Variants in AKAP9 observed in about 807,000 individuals in gnomAD.
AKAP9 encodes the protein A-kinase anchoring protein 9, also known as A-kinase anchor protein 9.
A neutral mutation model predicts 488.5 loss-of-function variants in AKAP9; 311 were observed. The ratio of observed to expected loss-of-function variants is 0.64; its 90% CI spans 0.58 to 0.70. The LOEUF is 0.70. Among genes scored for constraint, AKAP9 ranks in the 30% least tolerant of loss-of-function variants. The pLI is 0.00. For synonymous variants in AKAP9, 1,462 were observed against 1,483.5 expected, an observed-to-expected ratio of 0.99 and a Z score of 0.33; for missense variants, 4,215 against 4,374.5, an observed-to-expected ratio of 0.96 and a Z score of 1.03.
intron 3 of AKAP9, among the ~76,000 whole-genome samples, 161 bp downstream of exon 3, chr7:91,980,494 A>ATTTTTT (rs1376590752): frequency 1.1e-3 from 3 of 2,698 alleles, no homozygotes; most frequent in African/African-American, 3.0e-3. Flanking sequence ...TGTATTACTG[A>ATTTTTT]CTTTTTTTTT....
At chr7:92,000,746 T>TA (rs1334345013) in intron 7 of AKAP9, 102 bp from the exon 8 acceptor site, 1 of 662,914 alleles carries the variant, frequency 1.5e-6, no homozygotes, top group Non-Finnish European at 2.4e-6. Flanking sequence ...TAGAATTTTT[T>TA]AAAAGAGAAA....
intron 43 of AKAP9, 104 bp from the exon 44 acceptor site, chr7:92,099,583 C>T: frequency 9.0e-7 from 1 of 1,111,850 alleles, no homozygotes; most frequent in Non-Finnish European, 1.4e-6. Context: ...TCAACTCAAG[C>T]ACCAATTCAT....
chr7:91,948,771 C>G (rs1216345883), intron 1 of AKAP9, among the ~76,000 whole-genome samples: 1 of 151,962 alleles, frequency 6.6e-6, no homozygotes, highest in African/African-American at 2.4e-5. Flanking sequence ...ACCACCATGC[C>G]CGATTAATTT....
At chr7:92,051,445 G>T (rs1315341288) in intron 21 of AKAP9, among the ~76,000 whole-genome samples, 2 of 152,166 alleles carry the variant, frequency 1.3e-5, no homozygotes, top group Non-Finnish European at 2.9e-5. Flanking sequence ...GGAGAATAAG[G>T]ATACAAAGTG....
Position 92,110,143 on chromosome 7 carries a change from C to A in AKAP9, c.11708C>A (p.Ala3903Asp). The A allele has an allele frequency of 6.2e-7, 1 of 1,602,116 alleles. No homozygotes were observed. Among genetic ancestry groups the A allele is most frequent in the Non-Finnish European group, 8.5e-7 (1 of 1,172,106 alleles). ...IQSGSTTQFHAGMRR is the reference protein window; with the variant it reads ...IQSGSTTQFHDGMRR ...ATAGGTTCAACTACTCAATTTCATGCTGGCATGAGAAGATAATCCTTTGAA... is the reference window on the plus strand; with the variant it reads ...ATAGGTTCAACTACTCAATTTCATGATGGCATGAGAAGATAATCCTTTGAA... Residue 3903 changes from alanine (A) to aspartate (D), a missense_variant, in exon 50 of 50, where the codon GCT becomes GAT. By Grantham distance (126) the Ala-to-Asp change is moderately radical. Around this residue, in one of 5 missense-constraint regions of AKAP9, gnomAD observed 253 missense variants for 266.8 expected, o/e 0.95. Transcript: ENST00000356239.
In AKAP9 at chr7:91,980,308, C is replaced by A. The variant is rs1348323735; in HGVS notation, c.326C>A (p.Thr109Asn). Residue 109 changes from threonine to asparagine, a missense_variant, in exon 3 of 50, where the codon ACC (threonine) becomes AAC (asparagine). By Grantham distance (65) the Thr-to-Asn change is moderately conservative (BLOSUM62 0). Around this residue, in one of 5 missense-constraint regions of AKAP9, gnomAD observed 2,361 missense variants for 2,430.0 expected, o/e 0.97. Transcript: ENST00000356239. The part of the protein sequence containing the change: ...FSVELESEIS[T>N]TADDCSSEVN... ...TTTTAGCTGGAAAGTGAAATTTCAA[C>A]CACAGCAGATGACTGCAGTTCAGAG... 1.3e-6 allele frequency: 2 copies of A among 1,584,884 alleles called. No homozygotes were observed. The highest frequency in any genetic ancestry group is 3.4e-5 in the Admixed American group (2 of 59,294).
intron 22 of AKAP9, among the ~76,000 whole-genome samples, chr7:92,053,984 A>G (rs370554696): frequency 4.4e-4 from 67 of 152,164 alleles, no homozygotes; most frequent in Non-Finnish European, 1.8e-4. Context: ...GAAGCACTCT[A>G]CTAACATCTT....
intron 39 of AKAP9, 53 bp downstream of exon 39, chr7:92,093,369 G>A: frequency 1.4e-6 from 2 of 1,480,052 alleles, no homozygotes; most frequent in South Asian, 1.2e-5. Context: ...GAGTAATTTT[G>A]TCATAAACAC....
chr7:91,951,393 C>G (rs554217372), intron 1 of AKAP9, among the ~76,000 whole-genome samples: 3 of 151,974 alleles, frequency 2.0e-5, no homozygotes, highest in Non-Finnish European at 2.9e-5. Context: ...GGCATGATCA[C>G]GGCTCATTGC....
chr7:92,053,018 T>A (rs983516152), intron 22 of AKAP9, 60 bp downstream of exon 22: 49 of 1,375,846 alleles, frequency 3.6e-5, no homozygotes, highest in Middle Eastern at 1.8e-4. Context: ...TATCCCACTC[T>A]CTCGACTGAG....
Position 91,940,991 on chromosome 7 carries a change from C to G in AKAP9, c.-109C>G. On this transcript the variant is annotated 5_prime_UTR_variant, in exon 1 of 50. Coordinates refer to ENST00000356239, the MANE Select transcript of AKAP9 (RefSeq NM_005751.5). ...GCGGGGGAGCGCCGGACCGAATCGG[C>G]TCTCTAGGCCGTGGAGCTTGCCGTC... is the stretch of plus-strand genomic sequence containing the variant. 2 of 1,170,142 alleles carry G rather than the reference C, an allele frequency of 1.7e-6. No individual in the cohort carries two copies. Among genetic ancestry groups the G allele is most frequent in the East Asian group, 2.3e-5 (1 of 42,618 alleles). 72.5% of individuals were successfully genotyped at this position (1,170,142 alleles called of 1,614,324 possible).
chr7:92,094,884 AG>A, intron 39 of AKAP9, 138 bp from the exon 40 acceptor site: 2 of 707,662 alleles, frequency 2.8e-6, no homozygotes, highest in Non-Finnish European at 4.9e-6. Context: ...ACCCCAGTCA[AG>A]AATCTTTAAT....
At chr7:92,061,610 ATATATATAT>A (rs1809835673) in intron 23 of AKAP9, among the ~76,000 whole-genome samples, 188 bp downstream of exon 23, 2 of 142,738 alleles carry the variant, frequency 1.4e-5, no homozygotes, top group African/African-American at 5.2e-5. Context: ...ATATATATAT[ATATATATAT>A]AAAATTATAA....
chr7:91,960,726 C>T (rs926954283), intron 1 of AKAP9, among the ~76,000 whole-genome samples: 95 of 152,302 alleles, frequency 6.2e-4, no homozygotes, highest in African/African-American at 2.2e-3. Context: ...TTTTATTCCT[C>T]ACTACATGTC....
Position 92,084,549 on chromosome 7 carries a change from G to A in AKAP9, c.8647-91G>A. Reference sequence around the variant, plus strand: ...TATGAAAGGTGTGACAGATTTGATTGATTACAGCACGGGAAACCAGCAAAA... The same window carrying A: ...TATGAAAGGTGTGACAGATTTGATTAATTACAGCACGGGAAACCAGCAAAA... On this transcript the variant is annotated intron_variant, in intron 33 of 49. Coordinates refer to ENST00000356239, the MANE Select transcript of AKAP9 (RefSeq NM_005751.5). 5.5e-6 allele frequency: 5 copies of A among 907,346 alleles called. No individual in the cohort carries two copies. The South Asian group carries it at 7.6e-5, about 14-fold the overall frequency. The allele number at this position is 907,346 out of a possible 1,614,324, so 56.2% of individuals were successfully genotyped here.
Position 92,089,417 on chromosome 7 carries a change from C to T in AKAP9, c.9246C>T (p.Leu3082=), listed in dbSNP as rs1459451500. Residue 3082 remains leucine (L), a synonymous_variant, in exon 38 of 50, where the codon CTC becomes CTT. Coordinates refer to ENST00000356239, the MANE Select transcript of AKAP9 (RefSeq NM_005751.5). ...GVEYQAAMEC[L]QKADRRSLLS... is the part of the protein sequence containing the mutation. ...AATATCAAGCAGCTATGGAATGCCT[C>T]CAGAAAGCAGATAGAAGGAGTTTGT... 1.2e-6 allele frequency: 2 copies of T among 1,611,768 alleles called. No individual in the cohort carries two copies. The highest frequency in any genetic ancestry group is 1.7e-5 in the Admixed American group (1 of 59,972).
Position 92,097,581 on chromosome 7 carries a change from G to T in AKAP9, c.10399-5G>T, listed in dbSNP as rs1302187951. The T allele has an allele frequency of 1.2e-6, 2 of 1,612,724 alleles. No homozygotes were observed. Among genetic ancestry groups the T allele is most frequent in the Non-Finnish European group, 8.5e-7 (1 of 1,179,904 alleles). The stretch of plus-strand genomic sequence containing the variant: ...TTGTTTTCTTATTCTGTCCAAAATT[G>T]CCAGCCAACCACGTGGAGCTTAACC... On this transcript the variant is annotated splice_polypyrimidine_tract_variant and splice_region_variant and intron_variant, in intron 41 of 49. Coordinates refer to ENST00000356239, the MANE Select transcript of AKAP9 (RefSeq NM_005751.5).
rs116479484 is a variant in AKAP9 at position 92,038,912 on chromosome 7, T to C, written c.4692+140T>C. On this transcript the variant is annotated intron_variant, in intron 17 of 49. Coordinates refer to ENST00000356239, the MANE Select transcript of AKAP9 (RefSeq NM_005751.5). ...GTCTTATGACTCACGTTGTTTTGTT[T>C]TGTTTTGTTTTTGAGGCTGAGTCTC... is the stretch of plus-strand genomic sequence containing the variant. 1.1e-3 allele frequency: 739 copies of C among 691,196 alleles called. 5 individuals are homozygous for C. In the African/African-American group the frequency reaches 0.012, roughly 11 times the overall value. 42.8% of individuals were successfully genotyped at this position (691,196 alleles called of 1,614,324 possible). A position where few individuals can be genotyped will look rare whatever the true frequency, so the allele number is the denominator to read the frequency against.
At chr7:91,982,178 T>C (rs977644319) in intron 3 of AKAP9, among the ~76,000 whole-genome samples, 21 of 146,544 alleles carry the variant, frequency 1.4e-4, no homozygotes, top group Non-Finnish European at 2.5e-4. Context: ...TATGTATGTA[T>C]GTATGTATGT....
Sources: allele counts gnomAD v4.1 joint callset (sites outside exome capture counted in the v4.1 genomes callset), GRCh38; gene constraint gnomAD v4.1.1; regional missense constraint gnomAD v4.1.1; transcripts MANE v1.5; gene names NCBI Gene and HGNC (gene_info 2026-07-23, HGNC 2026-07-21).